NUP210: variants seen among roughly 807,000 people sequenced by gnomAD.
The protein encoded by NUP210 is nucleoporin 210.
Under a neutral mutation model 196.0 loss-of-function variants are expected in NUP210, and 151 were observed. The observed-to-expected ratio is 0.77, with a 90% CI of 0.67 to 0.88. The LOEUF is 0.88. NUP210 is among the 40% of genes least tolerant of loss of function. The pLI, the probability that NUP210 is intolerant of heterozygous loss-of-function variation, is 0.00. For missense variants in NUP210, 2,314 were observed against 2,493.7 expected, an observed-to-expected ratio of 0.93 and a Z score of 1.53; for synonymous variants, 1,070 against 1,052.7, an observed-to-expected ratio of 1.02 and a Z score of -0.32.
At chr3:13,400,258 A>G (rs1446863613) in intron 1 of NUP210, among the ~76,000 whole-genome samples, 1 of 152,164 alleles carries the variant, frequency 6.6e-6, no homozygotes, top group African/African-American at 2.4e-5. Flanking sequence ...GGGCACAGGC[A>G]TCTCGACCGA....
chr3:13,349,070 T>A (rs1056162530), intron 20 of NUP210, among the ~76,000 whole-genome samples: 2 of 149,372 alleles, frequency 1.3e-5, no homozygotes, highest in African/African-American at 5.0e-5. Context: ...CCATGAAACA[T>A]ACACACAGCC....
At chr3:13,331,181 GT>G (rs1004606206) in intron 29 of NUP210, among the ~76,000 whole-genome samples, 10 of 152,168 alleles carry the variant, frequency 6.6e-5, no homozygotes, top group African/African-American at 2.4e-4. Context: ...TCTAAGGACT[GT>G]CAACAGGATA....
chr3:13,356,674 G>A (rs1286789890), intron 16 of NUP210, among the ~76,000 whole-genome samples: 4 of 152,170 alleles, frequency 2.6e-5, no homozygotes, highest in African/African-American at 9.7e-5. Context: ...TCCCTAATGA[G>A]GCTGTAAATT....
At chr3:13,343,609 G>C (rs534060970) in intron 20 of NUP210, among the ~76,000 whole-genome samples, 1 of 152,210 alleles carries the variant, frequency 6.6e-6, no homozygotes, top group Non-Finnish European at 1.5e-5. Flanking sequence ...ATTTTACAAA[G>C]AGAAGAAAAT....
At chr3:13,416,187 C>T (rs532478395) in intron 1 of NUP210, among the ~76,000 whole-genome samples, 4 of 152,282 alleles carry the variant, frequency 2.6e-5, no homozygotes, top group Admixed American at 1.3e-4. Context: ...TGGTGCAGGA[C>T]CAGGCCTGGC....
At position 13,330,521 on chromosome 3, in the gene NUP210, G is replaced by T; in HGVS notation, c.4049C>A (p.Thr1350Asn). The T allele has an allele frequency of 6.2e-7, 1 of 1,614,256 alleles. No individual in the cohort carries two copies. The highest frequency in any genetic ancestry group is 1.1e-5 in the South Asian group (1 of 91,092). Reference protein sequence around the residue: ...LASGSMIGTSTIEVIAQEPFG... With the variant: ...LASGSMIGTSNIEVIAQEPFG... ...GGGCTCTTGTGCAATCACTTCGATGGTGGATGTCCCGATCATAGACCCTGA... is the reference window on the plus strand; with the variant it reads ...GGGCTCTTGTGCAATCACTTCGATGTTGGATGTCCCGATCATAGACCCTGA... Residue 1350 changes from threonine (T) to asparagine (N), a missense_variant, in exon 30 of 40, where the codon ACC becomes AAC. Thr to Asn is a moderately conservative substitution (Grantham distance 65). Coordinates refer to ENST00000254508, the MANE Select transcript of NUP210 (RefSeq NM_024923.4).
At chr3:13,412,226 C>CT (rs1315087590) in intron 1 of NUP210, among the ~76,000 whole-genome samples, 1 of 70,898 alleles carries the variant, frequency 1.4e-5, no homozygotes, top group Non-Finnish European at 2.7e-5. Flanking sequence ...CTTTATTTTC[C>CT]TTTTCTTTTT....
intron 6 of NUP210, among the ~76,000 whole-genome samples, chr3:13,380,459 T>C (rs957073733): frequency 1.3e-5 from 2 of 152,112 alleles, no homozygotes; most frequent in African/African-American, 4.8e-5. Flanking sequence ...AGAGCCACAT[T>C]TTGGGGATAG....
At chr3:13,342,153 A>T (rs1005418657) in intron 21 of NUP210, 30 bp from the exon 22 acceptor site, 7 of 1,612,738 alleles carry the variant, frequency 4.3e-6, no homozygotes, top group Non-Finnish European at 5.9e-6. Context: ...GTTCAGGGGC[A>T]GCCTCCAAAA....
intron 18 of NUP210, 61 bp downstream of exon 18, chr3:13,353,493 C>T: frequency 7.4e-7 from 1 of 1,347,300 alleles, no homozygotes; most frequent in Non-Finnish European, 1.1e-6. Context: ...GGAATTTAAG[C>T]AGAAGTAGGA....
chr3:13,353,633 G>A lies in NUP210; in HGVS notation c.2549C>T (p.Ala850Val), dbSNP rs1159928330. ...GGCAGTGATGGCTGTGGTTCCTGATGCCTCGTGAACCAAAATGGCCTGCAA... is the reference window on the plus strand; with the variant it reads ...GGCAGTGATGGCTGTGGTTCCTGATACCTCGTGAACCAAAATGGCCTGCAA... ...HGLQAILVHEASGTTAITATA... is the reference protein window; with the variant it reads ...HGLQAILVHEVSGTTAITATA... The change falls in exon 18 of 40, where the codon GCA becomes GTA. Residue 850 changes from alanine to valine, a missense_variant. By Grantham distance (64) the Ala-to-Val change is moderately conservative. Transcript: ENST00000254508. 15 of 1,614,112 alleles carry A rather than the reference G, an allele frequency of 9.3e-6. No homozygotes were observed. Among genetic ancestry groups the A allele is most frequent in the Non-Finnish European group, 1.3e-5 (15 of 1,179,994 alleles).
chr3:13,353,791 T>C (rs1212396580), intron 17 of NUP210, 124 bp downstream of exon 17: 2 of 1,218,632 alleles, frequency 1.6e-6, no homozygotes, highest in Non-Finnish European at 2.4e-6. Context: ...ACTATGTGGA[T>C]TGTAAGAGTT....
chr3:13,406,663 G>C (rs1240922553), intron 1 of NUP210, among the ~76,000 whole-genome samples: 20 of 152,162 alleles, frequency 1.3e-4, no homozygotes, highest in Admixed American at 1.3e-3. Context: ...AAGAAACAGA[G>C]TCCGGCGACT....
In NUP210 at chr3:13,325,774, CT is replaced by C; in HGVS notation, c.4644+20del. ...TCACAGGCCACTGAGCCACATGTGC[CT>C]CCGGCTGCTTAGAGCCCACCTCCTT... On this transcript the variant is annotated intron_variant, in intron 33 of 39. Coordinates refer to ENST00000254508, the MANE Select transcript of NUP210 (RefSeq NM_024923.4). The C allele has an allele frequency of 6.2e-7, 1 of 1,612,040 alleles. No homozygotes were observed.
At chr3:13,378,750 G>A (rs1425526617) in intron 8 of NUP210, among the ~76,000 whole-genome samples, 162 bp downstream of exon 8, 1 of 152,242 alleles carries the variant, frequency 6.6e-6, no homozygotes, top group Non-Finnish European at 1.5e-5. Flanking sequence ...ACACCAAACA[G>A]GGAAGGGCTG....
chr3:13,319,552 C>A (rs943960868), intron 37 of NUP210, among the ~76,000 whole-genome samples: 4 of 152,104 alleles, frequency 2.6e-5, no homozygotes, highest in Non-Finnish European at 5.9e-5. Context: ...AGGGGCACAG[C>A]CCCTGTGGCT....
chr3:13,325,513 C>G (rs568467500), intron 33 of NUP210, among the ~76,000 whole-genome samples: 1 of 152,252 alleles, frequency 6.6e-6, no homozygotes, highest in Admixed American at 6.5e-5. Context: ...GTGCCCACTC[C>G]GGGGTTGCCA....
chr3:13,325,513 C>T (rs568467500), intron 33 of NUP210, among the ~76,000 whole-genome samples: 1 of 152,134 alleles, frequency 6.6e-6, no homozygotes, highest in African/African-American at 2.4e-5. Context: ...GTGCCCACTC[C>T]GGGGTTGCCA....
intron 3 of NUP210, among the ~76,000 whole-genome samples, chr3:13,394,788 G>T (rs1357802136): frequency 6.6e-6 from 1 of 152,194 alleles, no homozygotes; most frequent in African/African-American, 2.4e-5. Flanking sequence ...ATACAGATAA[G>T]GCACATCATT....
Sources: allele counts gnomAD v4.1 joint callset (sites outside exome capture counted in the v4.1 genomes callset), GRCh38; gene constraint gnomAD v4.1.1; transcripts MANE v1.5; gene names NCBI Gene and HGNC (gene_info 2026-07-23, HGNC 2026-07-21).